The following CHCHD10 variants were observed in gnomAD, a reference collection of about 807,000 sequenced individuals.
The protein encoded by CHCHD10 is coiled-coil-helix-coiled-coil-helix domain-containing protein 10, mitochondrial.
Under a neutral mutation model 14.8 loss-of-function variants are expected in CHCHD10, and 10 were observed. That is an observed-to-expected ratio of 0.67 (90% CI 0.42 to 1.14). CHCHD10 has a LOEUF of 1.14. Among genes scored for constraint, CHCHD10 ranks in the 50% most tolerant of loss-of-function variants. The pLI, the probability that CHCHD10 is intolerant of heterozygous loss-of-function variation, is 0.00. For missense variants in CHCHD10, 203 were observed against 196.9 expected (o/e 1.03, Z -0.19); for synonymous variants, 90 against 85.2 (o/e 1.06, Z -0.31).
chr22:23,766,306 C>T (rs1227002726), intron 2 of CHCHD10, 31 bp from the exon 3 acceptor site: 1 of 1,532,502 alleles, frequency 6.5e-7, no homozygotes, highest in East Asian at 2.5e-5. Flanking sequence ...GCTGCAGGAT[C>T]AGCTTGGAGT....
At chr22:23,767,253 G>C in intron 2 of CHCHD10, 121 bp downstream of exon 2, 1 of 821,134 alleles carries the variant, frequency 1.2e-6, no homozygotes, top group Non-Finnish European at 2.0e-6. Flanking sequence ...CCCTTCCCGG[G>C]CAGAGTCCTG....
chr22:23,766,260 CAG>C lies in CHCHD10; in HGVS notation c.275_276del (p.Ala92GlyfsTer26). On this transcript the variant is annotated frameshift_variant, in exon 3 of 4. Coordinates refer to ENST00000484558, the MANE Select transcript of CHCHD10 (RefSeq NM_213720.3). LOFTEE classifies it high-confidence loss of function. ...GGCCCCATCTGCAGGGGCTGGGGGG[CAG>C]CGGGGGTGGGGGCCTGGGGGTACAG... ...QPAVQQAPTPAAPQPLQMGPC... is the reference protein window; with the variant it reads ...QPAVQQAPTPXAPQPLQMGPC... 1.4e-6 allele frequency: 2 copies of C among 1,472,026 alleles called. No homozygotes were observed. The highest frequency in any genetic ancestry group is 1.8e-6 in the Non-Finnish European group (2 of 1,086,652). 91.2% of individuals were successfully genotyped at this position (1,472,026 alleles called of 1,614,324 possible). A position where few individuals can be genotyped will look rare whatever the true frequency, so the allele number is the denominator to read the frequency against.
chr22:23,767,940 G>A lies in CHCHD10; in HGVS notation c.-66C>T. 1 of 1,318,828 alleles carries A rather than the reference G, an allele frequency of 7.6e-7. No individual in the cohort carries two copies. Among genetic ancestry groups the A allele is most frequent in the Non-Finnish European group, 1.0e-6 (1 of 999,904 alleles). The allele number at this position is 1,318,828 out of a possible 1,614,324, so 81.7% of individuals were successfully genotyped here. On this transcript the variant is annotated 5_prime_UTR_variant, in exon 1 of 4. Coordinates refer to ENST00000484558, the MANE Select transcript of CHCHD10 (RefSeq NM_213720.3). ...CAGCGGTGCTGTCGCGGGGACAAAT[G>A]CCGCAGCGCTTGTCACAGCCGGCGC...
At chr22:23,767,760 C>T (rs980022540) in intron 1 of CHCHD10, 74 bp downstream of exon 1, 100 of 1,311,746 alleles carry the variant, frequency 7.6e-5, no homozygotes, top group Non-Finnish European at 1.1e-4. Context: ...GCCAAGGTCA[C>T]TCTGCGGACG....
chr22:23,765,961 G>T lies in CHCHD10; in HGVS notation c.*46C>A, dbSNP rs1037218460. On this transcript the variant is annotated 3_prime_UTR_variant, in exon 4 of 4. Coordinates refer to ENST00000484558, the MANE Select transcript of CHCHD10 (RefSeq NM_213720.3). The stretch of plus-strand genomic sequence containing the variant: ...TGTTGTGGTCTGGCTGTCGGCGAGG[G>T]GTAGAGGTGGGTGCAGGACTGGCCC... The T allele has an allele frequency of 1.4e-5, 23 of 1,612,628 alleles. No homozygotes were observed. The highest frequency in any genetic ancestry group is 1.9e-5 in the Non-Finnish European group (23 of 1,179,666).
intron 2 of CHCHD10, chr22:23,766,484 ACT>A (rs1926832286): frequency 1.9e-6 from 1 of 529,356 alleles, no homozygotes; most frequent in East Asian, 3.1e-5. Context: ...ACAGAGTCTC[ACT>A]CTGTCACCTA....
chr22:23,767,597 C>A lies in CHCHD10; in HGVS notation c.42-4G>T, dbSNP rs754027063. The A allele has an allele frequency of 4.3e-6, 4 of 937,654 alleles. No individual in the cohort carries two copies. The African/African-American group carries it at 7.0e-5, about 16-fold the overall frequency. The allele number at this position is 937,654 out of a possible 1,614,324, so 58.1% of individuals were successfully genotyped here. A position where few individuals can be genotyped will look rare whatever the true frequency, so the allele number is the denominator to read the frequency against. On this transcript the variant is annotated splice_region_variant and splice_polypyrimidine_tract_variant and intron_variant, in intron 1 of 3. Coordinates refer to ENST00000484558, the MANE Select transcript of CHCHD10 (RefSeq NM_213720.3). ...GGCAGAGGGCGCGGCTGGGCGGCTG[C>A]GGGGGTGGGAGGAAGCAGGGTTAAT...
chr22:23,766,998 C>T (rs1414077900), intron 2 of CHCHD10, among the ~76,000 whole-genome samples: 4 of 152,220 alleles, frequency 2.6e-5, no homozygotes, highest in Non-Finnish European at 4.4e-5. Context: ...TTCGCCCTTG[C>T]GCCCAGCGGC....
rs1197865297 is a variant in CHCHD10, at chr22:23,766,026, C to A, written c.410G>T (p.Gly137Val). 1.3e-5 allele frequency: 21 copies of A among 1,613,598 alleles called. No individual in the cohort carries two copies. The highest frequency in any genetic ancestry group is 1.7e-5 in the Non-Finnish European group (20 of 1,179,868). ...EALKQCKYYHGLSSLP is the reference protein window; with the variant it reads ...EALKQCKYYHVLSSLP ...ACCTCTTCAGGGCAGGGAGCTCAGA[C>A]CTGGGAAGGGAGGGGCAGCACAGGC... Residue 137 changes from glycine (G) to valine (V), a missense_variant and splice_region_variant, in exon 4 of 4, where the codon GGT becomes GTT. By Grantham distance (109) the Gly-to-Val change is moderately radical (BLOSUM62 -3). Transcript: ENST00000484558.
rs775332895 is a variant in CHCHD10, at chr22:23,767,396, G to A, written c.239C>T (p.Pro80Leu). 424 of 1,608,752 alleles carry A rather than the reference G, an allele frequency of 2.6e-4. 3 individuals carry two copies. The Middle Eastern group carries it at 6.9e-3, about 26-fold the overall frequency. ...CACCTGCTGGACAGCAGGCTGGGAG[G>A]GCTCCGAGCTCCCCCCGCTGAAGGC... is the stretch of plus-strand genomic sequence containing the variant. ...TGAFSGGSSE[P>L]SQPAVQQAPT... The change falls in exon 2 of 4, where the codon CCC becomes CTC. Residue 80 changes from proline (P) to leucine (L), a missense_variant. Coordinates refer to ENST00000484558, the MANE Select transcript of CHCHD10 (RefSeq NM_213720.3).
rs535397365 is a variant in CHCHD10, at chr22:23,766,546, G to T, written c.262-271C>A. Reference sequence around the variant, plus strand: ...CGGCTCACTGCAACCTCCGCCTCCCGGGTTCAAGTGGTTGTCCTGCCTTGG... The same window carrying T: ...CGGCTCACTGCAACCTCCGCCTCCCTGGTTCAAGTGGTTGTCCTGCCTTGG... On this transcript the variant is annotated intron_variant, in intron 2 of 3. Transcript: ENST00000484558. The T allele has an allele frequency of 4.1e-4, 158 of 389,284 alleles. 2 individuals are homozygous for T. The highest frequency in any genetic ancestry group is 3.0e-3 in the East Asian group (64 of 21,378). The allele number at this position is 389,284 out of a possible 1,614,324, so 24.1% of individuals were successfully genotyped here. A position where few individuals can be genotyped will look rare whatever the true frequency, so the allele number is the denominator to read the frequency against.
Position 23,767,559 on chromosome 22 carries a change from G to A in CHCHD10, c.76C>T (p.His26Tyr). 7.2e-7 allele frequency: 1 copy of A among 1,382,800 alleles called. No homozygotes were observed. The highest frequency in any genetic ancestry group is 1.5e-5 in the African/African-American group (1 of 65,374). 85.7% of individuals were successfully genotyped at this position (1,382,800 alleles called of 1,614,324 possible). A position where few individuals can be genotyped will look rare whatever the true frequency, so the allele number is the denominator to read the frequency against. ...GGGGCGGCTGCCGAGGGCGGTGGGT[G>A]CGCGGGCGGGTGGGCAGAGGGCGCG... ...PAAPSAHPPA[H>Y]PPPSAAAPAP... The change falls in exon 2 of 4, where the codon CAC becomes TAC. Residue 26 changes from histidine (H) to tyrosine (Y), a missense_variant. Coordinates refer to ENST00000484558, the MANE Select transcript of CHCHD10 (RefSeq NM_213720.3).
At chr22:23,767,768 A>G (rs927117949) in intron 1 of CHCHD10, 66 bp downstream of exon 1, 43 of 1,341,126 alleles carry the variant, frequency 3.2e-5, no homozygotes, top group Non-Finnish European at 1.0e-5. Context: ...CACTCTGCGG[A>G]CGCCCTTAGG....
At position 23,766,130 on chromosome 22, in the gene CHCHD10, T is replaced by C. The variant is rs1555925452; in HGVS notation, c.407A>G (p.His136Arg). 2.5e-6 allele frequency: 4 copies of C among 1,613,592 alleles called. No individual in the cohort carries two copies. The highest frequency in any genetic ancestry group is 2.5e-6 in the Non-Finnish European group (3 of 1,179,804). Residue 136 changes from histidine to arginine, a missense_variant and splice_region_variant, in exon 3 of 4, where the codon CAT (histidine) becomes CGT (arginine). His to Arg is a conservative substitution (Grantham distance 29, BLOSUM62 0). Coordinates refer to ENST00000484558, the MANE Select transcript of CHCHD10 (RefSeq NM_213720.3). ...SEALKQCKYY[H>R]GLSSLP is the part of the protein sequence containing the mutation. The stretch of plus-strand genomic sequence containing the variant: ...TGAGTCGGGGTCCACTCACTCACCA[T>C]GGTAGTACTTGCACTGCTTCAGGGC...
chr22:23,767,445 C>G lies in CHCHD10; in HGVS notation c.190G>C (p.Val64Leu), dbSNP rs781304084. The stretch of plus-strand genomic sequence containing the variant: ...GCTCCGGTCAGGGCGCTGCCCATGA[C>G]GTGTCCCACAGCCGAGCCCACGGCT... Reference protein sequence around the residue: ...GVAVGSAVGHVMGSALTGAFS... With the variant: ...GVAVGSAVGHLMGSALTGAFS... Residue 64 changes from valine (V) to leucine (L), a missense_variant, in exon 2 of 4, where the codon GTC becomes CTC. Val to Leu is a conservative substitution (Grantham distance 32). Transcript: ENST00000484558. 1.2e-6 allele frequency: 2 copies of G among 1,604,232 alleles called. No individual in the cohort carries two copies. The highest frequency in any genetic ancestry group is 1.1e-5 in the South Asian group (1 of 89,662).
Position 23,766,153 on chromosome 22 carries a change from G to A in CHCHD10, c.384C>T (p.Ala128=), listed in dbSNP as rs777049622. The A allele has an allele frequency of 2.5e-6, 4 of 1,613,514 alleles. No homozygotes were observed. The highest frequency in any genetic ancestry group is 3.4e-6 in the Non-Finnish European group (4 of 1,179,842). ...CATGGTAGTACTTGCACTGCTTCAGGGCCTCGCTGAAGCCCTCACACAGGG... is the reference window on the plus strand; with the variant it reads ...CATGGTAGTACTTGCACTGCTTCAGAGCCTCGCTGAAGCCCTCACACAGGG... The part of the protein sequence containing the change: ...DLSLCEGFSE[A]LKQCKYYHGL... The change falls in exon 3 of 4, where the codon GCC becomes GCT. Residue 128 remains alanine (A), a synonymous_variant. Coordinates refer to ENST00000484558, the MANE Select transcript of CHCHD10 (RefSeq NM_213720.3).
Position 23,765,907 on chromosome 22 carries a change from C to A in CHCHD10, c.*100G>T. On this transcript the variant is annotated 3_prime_UTR_variant, in exon 4 of 4. Coordinates refer to ENST00000484558, the MANE Select transcript of CHCHD10 (RefSeq NM_213720.3). Reference sequence around the variant, plus strand: ...TGTGGGGTGAGAAACCTCCTCACTTCCAATCCCAGCTATCTGGGTACAATC... The same window carrying A: ...TGTGGGGTGAGAAACCTCCTCACTTACAATCCCAGCTATCTGGGTACAATC... 1.0e-5 allele frequency: 16 copies of A among 1,593,842 alleles called. No homozygotes were observed. Among genetic ancestry groups the A allele is most frequent in the Non-Finnish European group, 1.3e-5 (15 of 1,164,448 alleles).
At chr22:23,766,618 A>G (rs549357946) in intron 2 of CHCHD10, among the ~76,000 whole-genome samples, 3 of 151,776 alleles carry the variant, frequency 2.0e-5, no homozygotes, top group African/African-American at 7.3e-5. Context: ...ATGCCCAACA[A>G]ATTTTTTGTA....
At position 23,766,261 on chromosome 22, in the gene CHCHD10, A is replaced by AGGGGGGGGGGG; in HGVS notation, c.275_276insCCCCCCCCCCC (p.Ala93ProfsTer41). 2 of 1,073,404 alleles carry AGGGGGGGGGGG rather than the reference A, an allele frequency of 1.9e-6. No homozygotes were observed. The highest frequency in any genetic ancestry group is 3.4e-5 in the East Asian group (1 of 29,424). 66.5% of individuals were successfully genotyped at this position (1,073,404 alleles called of 1,614,324 possible). On this transcript the variant is annotated frameshift_variant, in exon 3 of 4. Coordinates refer to ENST00000484558, the MANE Select transcript of CHCHD10 (RefSeq NM_213720.3). LOFTEE classifies it high-confidence loss of function. ...GCCCCATCTGCAGGGGCTGGGGGGC[A>AGGGGGGGGGGG]GCGGGGGTGGGGGCCTGGGGGTACA...
Sources: allele counts gnomAD v4.1 joint callset (sites outside exome capture counted in the v4.1 genomes callset), GRCh38; gene constraint gnomAD v4.1.1; transcripts MANE v1.5; gene names NCBI Gene and HGNC (gene_info 2026-07-23, HGNC 2026-07-21).